ADARB2: variants seen among roughly 807,000 people sequenced by gnomAD.
ADARB2 encodes inactive double-stranded RNA-specific editase B2.
Under a neutral mutation model 62.2 loss-of-function variants are expected in ADARB2, and 25 were observed. The ratio of observed to expected loss-of-function variants is 0.40; its 90% CI spans 0.29 to 0.56. The LOEUF (loss-of-function observed/expected upper bound fraction) is 0.56, where lower values mean the gene tolerates loss of function less well. Ranked by LOEUF, ADARB2 falls within the 20% of genes least tolerant of loss-of-function variation. The pLI, the probability that ADARB2 is intolerant of heterozygous loss-of-function variation, is 0.43. For missense variants in ADARB2, 1,071 were observed against 1,077.4 expected (o/e 0.99, Z 0.08); for synonymous variants, 572 against 500.8 (o/e 1.14, Z -1.90).
chr10:1,294,201 A>G (rs1333470034), intron 3 of ADARB2, among the ~76,000 whole-genome samples: 1 of 152,192 alleles, frequency 6.6e-6, no homozygotes, highest in African/African-American at 2.4e-5. Flanking sequence ...CGATAGAATC[A>G]GCTCTGTGGT....
At position 1,222,569 on chromosome 10, in the gene ADARB2, A is replaced by G. The variant is rs1194068654; in HGVS notation, c.1514-5450T>C. ...TTTAGGTCTAACATGTAAGTCTTTA[A>G]TCCATCTTGAATTAATTTTTGTATA... On this transcript the variant is annotated intron_variant, in intron 6 of 9. Coordinates refer to ENST00000381312, the MANE Select transcript of ADARB2 (RefSeq NM_018702.4). Among the ~76,000 whole-genome samples the G allele has an allele frequency of 1.0e-4, 15 of 149,274 alleles. No homozygotes were observed. In the South Asian group the frequency reaches 1.0e-3, roughly 10 times the overall value.
At position 1,530,585 on chromosome 10, in the gene ADARB2, T is replaced by C. The variant is rs535534296; in HGVS notation, c.101-151425A>G. On this transcript the variant is annotated intron_variant, in intron 1 of 9. Transcript: ENST00000381312. ...GAGCCTGAGTGGGCTTTTCTGTTCATCAGCCTCGTCCGCCCCTGCGCCCAA... is the reference window on the plus strand; with the variant it reads ...GAGCCTGAGTGGGCTTTTCTGTTCACCAGCCTCGTCCGCCCCTGCGCCCAA... 3.3e-5 allele frequency among the ~76,000 whole-genome samples: 5 copies of C among 152,306 alleles called. No individual in the cohort carries two copies. In the South Asian group the frequency reaches 1.0e-3, roughly 32 times the overall value.
At chr10:1,577,366 G>A (rs891635609) in intron 1 of ADARB2, among the ~76,000 whole-genome samples, 1 of 152,042 alleles carries the variant, frequency 6.6e-6, no homozygotes, top group Non-Finnish European at 1.5e-5. Context: ...ACAGGAGGTG[G>A]ATGGAAAGAA....
rs543744112 is a variant in ADARB2 at position 1,198,904 on chromosome 10, G to C, written c.1864+1062C>G. ...CTCCGTTGACGGTGGCTTGGGGAGGGCGTGGTTGCATTTGTACTCCATATT... is the reference window on the plus strand; with the variant it reads ...CTCCGTTGACGGTGGCTTGGGGAGGCCGTGGTTGCATTTGTACTCCATATT... On this transcript the variant is annotated intron_variant, in intron 8 of 9. Transcript: ENST00000381312. Among the ~76,000 whole-genome samples, 232 of 152,196 alleles carry C rather than the reference G, an allele frequency of 1.5e-3. 5 individuals carry two copies. In the South Asian group the frequency reaches 0.046, roughly 30 times the overall value.
chr10:1,363,693 G>A lies in ADARB2; in HGVS notation c.412C>T (p.Pro138Ser). 2 of 1,611,644 alleles carry A rather than the reference G, an allele frequency of 1.2e-6. No individual in the cohort carries two copies. The highest frequency in any genetic ancestry group is 1.7e-6 in the Non-Finnish European group (2 of 1,179,354). Residue 138 changes from proline to serine, a missense_variant, in exon 3 of 10, where the codon CCG (proline) becomes TCG (serine). Pro to Ser is a moderately conservative substitution (Grantham distance 74). Coordinates refer to ENST00000381312, the MANE Select transcript of ADARB2 (RefSeq NM_018702.4). The part of the protein sequence containing the change: ...NALVQLHELR[P>S]GLQYRTVSQT... ...GACACTGTCCGGTACTGCAGGCCCGGCCTCAGCTCGTGCAGCTGCACCAGC... is the reference window on the plus strand; with the variant it reads ...GACACTGTCCGGTACTGCAGGCCCGACCTCAGCTCGTGCAGCTGCACCAGC...
chr10:1,501,038 C>A (rs1002355547), intron 1 of ADARB2, among the ~76,000 whole-genome samples: 4 of 152,138 alleles, frequency 2.6e-5, no homozygotes, highest in African/African-American at 4.8e-5. Context: ...CCACGCCCAG[C>A]TAATTTTTGT....
chr10:1,342,534 T>C (rs1249372493), intron 3 of ADARB2, among the ~76,000 whole-genome samples: 1 of 152,202 alleles, frequency 6.6e-6, no homozygotes, highest in Non-Finnish European at 1.5e-5. Flanking sequence ...TCTCCTCCTC[T>C]TGGAGATCGC....
intron 1 of ADARB2, among the ~76,000 whole-genome samples, chr10:1,671,286 T>G (rs1309028470): frequency 6.6e-6 from 1 of 152,182 alleles, no homozygotes; most frequent in Non-Finnish European, 1.5e-5. Flanking sequence ...CTCAGAACTT[T>G]CTATTCATTA....
chr10:1,552,277 A>T (rs1832635948), intron 1 of ADARB2, among the ~76,000 whole-genome samples: 1 of 152,182 alleles, frequency 6.6e-6, no homozygotes. Flanking sequence ...GTGTAAGTGG[A>T]TACAGCCTCG....
At chr10:1,632,540 C>T (rs772268266) in intron 1 of ADARB2, among the ~76,000 whole-genome samples, 5 of 152,292 alleles carry the variant, frequency 3.3e-5, no homozygotes, top group South Asian at 4.2e-4. Context: ...GGGCCTATGG[C>T]GAGGCTGTGG....
At chr10:1,284,766 G>A (rs577643397) in intron 3 of ADARB2, among the ~76,000 whole-genome samples, 11 of 152,128 alleles carry the variant, frequency 7.2e-5, no homozygotes, top group Admixed American at 2.6e-4. Flanking sequence ...AGAAGGTCTC[G>A]GAAAACAAAT....
intron 1 of ADARB2, among the ~76,000 whole-genome samples, chr10:1,670,846 G>T (rs569920546): frequency 1.3e-5 from 2 of 152,184 alleles, no homozygotes; most frequent in East Asian, 3.9e-4. Context: ...TGATTAGGAC[G>T]TCTGCGCAGG....
At chr10:1,609,182 G>C (rs867810375) in intron 1 of ADARB2, among the ~76,000 whole-genome samples, 16 of 152,234 alleles carry the variant, frequency 1.1e-4, no homozygotes, top group Middle Eastern at 3.2e-3. Flanking sequence ...CTCACAGGCG[G>C]GATGGGAATG....
chr10:1,554,501 T>TC (rs914270609), intron 1 of ADARB2, among the ~76,000 whole-genome samples: 3 of 151,770 alleles, frequency 2.0e-5, no homozygotes, highest in African/African-American at 7.3e-5. Flanking sequence ...CCAGCCAGCA[T>TC]CCCCCCAAGT....
At chr10:1,559,735 A>AT (rs1312147620) in intron 1 of ADARB2, among the ~76,000 whole-genome samples, 2 of 152,320 alleles carry the variant, frequency 1.3e-5, no homozygotes, top group African/African-American at 4.8e-5. Context: ...GATTTTACAC[A>AT]TTTTAAGAAA....
chr10:1,427,272 T>C (rs1217703034), intron 1 of ADARB2, among the ~76,000 whole-genome samples: 2 of 152,232 alleles, frequency 1.3e-5, no homozygotes, highest in Non-Finnish European at 2.9e-5. Flanking sequence ...CAGAAGACTC[T>C]GTTAAGAGGG....
At chr10:1,547,094 T>C (rs1832532198) in intron 1 of ADARB2, among the ~76,000 whole-genome samples, 1 of 152,220 alleles carries the variant, frequency 6.6e-6, no homozygotes, top group East Asian at 1.9e-4. Flanking sequence ...GACCTGAAGA[T>C]AAGATACTGT....
chr10:1,349,412 C>G (rs12146182), intron 3 of ADARB2, among the ~76,000 whole-genome samples: 2,345 of 152,264 alleles, frequency 0.015, 31 homozygotes, highest in Non-Finnish European at 0.025. Flanking sequence ...TTCACACGAA[C>G]GTGCATGAAA....
intron 4 of ADARB2, 61 bp downstream of exon 4, chr10:1,270,894 A>G (rs1179870607): frequency 6.9e-7 from 1 of 1,445,200 alleles, no homozygotes; most frequent in Non-Finnish European, 9.6e-7. Context: ...AAGATCAGGT[A>G]GATGCTAATG....
Sources: allele counts gnomAD v4.1 joint callset (sites outside exome capture counted in the v4.1 genomes callset), GRCh38; gene constraint gnomAD v4.1.1; transcripts MANE v1.5; gene names NCBI Gene and HGNC (gene_info 2026-07-23, HGNC 2026-07-21).